CCDC178: variants seen among roughly 807,000 people sequenced by gnomAD.
CCDC178 encodes coiled-coil domain-containing protein 178.
Under a neutral mutation model 117.4 loss-of-function variants are expected in CCDC178, and 126 were observed. That is an observed-to-expected ratio of 1.07 (90% confidence interval 0.93 to 1.24). CCDC178 has a LOEUF of 1.24. Among genes scored for constraint, CCDC178 ranks in the 50% most tolerant of loss-of-function variants. The pLI is 0.00. For missense variants in CCDC178, 1,030 were observed against 986.9 expected, an observed-to-expected ratio of 1.04 and a Z score of -0.59; for synonymous variants, 283 against 313.4, an observed-to-expected ratio of 0.90 and a Z score of 1.02.
intron 11 of CCDC178, among the ~76,000 whole-genome samples, chr18:33,304,761 T>C (rs1410127588): frequency 6.6e-6 from 1 of 152,178 alleles, no homozygotes; most frequent in Non-Finnish European, 1.5e-5. Context: ...TTTATTATAA[T>C]GTCATTTTCA....
In CCDC178 at chr18:33,301,949, T is replaced by C. The variant is rs1171638401; in HGVS notation, c.1023-8637A>G. Among the ~76,000 whole-genome samples the C allele has an allele frequency of 1.3e-5, 2 of 152,176 alleles. 1 individual carries two copies. The highest frequency in any genetic ancestry group is 4.8e-5 in the African/African-American group (2 of 41,454). ...GAACCAAGGGTGGAATGATATAGTT[T>C]AAATGTTTGTCCCCTCCAAATCTCA... On this transcript the variant is annotated intron_variant, in intron 11 of 22. Coordinates refer to ENST00000383096, the MANE Select transcript of CCDC178 (RefSeq NM_001105528.4).
In CCDC178 at chr18:33,226,096, G is replaced by A. The variant is rs909293571; in HGVS notation, c.1656+697C>T. Among the ~76,000 whole-genome samples the A allele has an allele frequency of 3.3e-5, 5 of 152,206 alleles. No homozygotes were observed. In the East Asian group the frequency reaches 7.7e-4, roughly 23 times the overall value. ...GAATCACTTGAACCTGGGAGGCAGA[G>A]GTTATGGTGAGCCAAGATCGTGCCA... is the stretch of plus-strand genomic sequence containing the variant. On this transcript the variant is annotated intron_variant, in intron 16 of 22. Coordinates refer to ENST00000383096, the MANE Select transcript of CCDC178 (RefSeq NM_001105528.4).
intron 21 of CCDC178, among the ~76,000 whole-genome samples, chr18:33,056,413 T>C (rs1002982763): frequency 6.6e-6 from 1 of 152,236 alleles, no homozygotes; most frequent in African/African-American, 2.4e-5. Context: ...AGTTGGCAAA[T>C]TATCTGTATG....
intron 2 of CCDC178, among the ~76,000 whole-genome samples, chr18:33,431,016 A>G (rs2144968100): frequency 6.7e-6 from 1 of 149,770 alleles, no homozygotes; most frequent in South Asian, 2.1e-4. Context: ...CGGAGCTTGC[A>G]GTGAGCCGAG....
At chr18:33,011,814 C>T (rs1414207102) in intron 21 of CCDC178, among the ~76,000 whole-genome samples, 1 of 94,722 alleles carries the variant, frequency 1.1e-5, no homozygotes, top group African/African-American at 4.0e-5. Context: ...AAAAAGGACA[C>T]AGGAAGTGAT....
intron 5 of CCDC178, among the ~76,000 whole-genome samples, chr18:33,378,045 A>G (rs2063388103): frequency 6.6e-6 from 1 of 152,252 alleles, no homozygotes; most frequent in African/African-American, 2.4e-5. Context: ...CCATACGGCC[A>G]TTTAATCGGC....
chr18:33,220,941 A>G (rs1348020803), intron 18 of CCDC178, among the ~76,000 whole-genome samples: 1 of 152,088 alleles, frequency 6.6e-6, no homozygotes, highest in Non-Finnish European at 1.5e-5. Flanking sequence ...TCTCTTAAGT[A>G]TACTTGAATG....
At chr18:33,090,686 A>T (rs1394716217) in intron 21 of CCDC178, among the ~76,000 whole-genome samples, 1 of 152,182 alleles carries the variant, frequency 6.6e-6, no homozygotes, top group Non-Finnish European at 1.5e-5. Context: ...CATGACACTG[A>T]CAAGGGCAGC....
At chr18:32,973,216 A>G (rs1299773006) in intron 22 of CCDC178, among the ~76,000 whole-genome samples, 1 of 152,250 alleles carries the variant, frequency 6.6e-6, no homozygotes, top group East Asian at 1.9e-4. Flanking sequence ...TTAATATTTG[A>G]AAAGACATAA....
chr18:33,245,235 G>A lies in CCDC178; in HGVS notation c.1593+10C>T. 1 of 1,552,036 alleles carries A rather than the reference G, an allele frequency of 6.4e-7. No homozygotes were observed. Among genetic ancestry groups the A allele is most frequent in the Non-Finnish European group, 8.7e-7 (1 of 1,153,774 alleles). ...TCATCATGAGTAAGAGGAACACAAAGATACACAACCTTGAACTTTCTTCTC... is the reference window on the plus strand; with the variant it reads ...TCATCATGAGTAAGAGGAACACAAAAATACACAACCTTGAACTTTCTTCTC... On this transcript the variant is annotated intron_variant, in intron 15 of 22. Coordinates refer to ENST00000383096, the MANE Select transcript of CCDC178 (RefSeq NM_001105528.4).
At chr18:33,399,690 T>G (rs577877392) in intron 3 of CCDC178, among the ~76,000 whole-genome samples, 1 of 152,264 alleles carries the variant, frequency 6.6e-6, no homozygotes, top group East Asian at 1.9e-4. Flanking sequence ...GAATTCCAGT[T>G]CTCTTGCTCT....
intron 3 of CCDC178, among the ~76,000 whole-genome samples, chr18:33,403,489 C>CAAAA (rs34702028): frequency 3.5e-5 from 4 of 115,788 alleles, no homozygotes; most frequent in Admixed American, 9.0e-5. Flanking sequence ...GTATGACATC[C>CAAAA]AAAAAAAAAA....
intron 21 of CCDC178, among the ~76,000 whole-genome samples, chr18:32,981,169 C>T (rs1382658994): frequency 6.6e-6 from 1 of 151,986 alleles, no homozygotes; most frequent in Non-Finnish European, 1.5e-5. Flanking sequence ...CATAGTTAGA[C>T]TCTGTCTCTA....
intron 7 of CCDC178, among the ~76,000 whole-genome samples, chr18:33,354,879 G>A (rs904805537): frequency 6.6e-6 from 1 of 151,974 alleles, no homozygotes; most frequent in African/African-American, 2.4e-5. Flanking sequence ...CAAAGTGTTG[G>A]GATTACAGGC....
chr18:32,998,071 G>A (rs537323547), intron 21 of CCDC178, among the ~76,000 whole-genome samples: 11 of 152,278 alleles, frequency 7.2e-5, no homozygotes, highest in South Asian at 2.1e-4. Flanking sequence ...AAAAGGCACC[G>A]AAGATAGTTG....
At chr18:33,337,121 G>T (rs1038766700) in intron 9 of CCDC178, among the ~76,000 whole-genome samples, 3 of 144,748 alleles carry the variant, frequency 2.1e-5, no homozygotes, top group African/African-American at 8.0e-5. Flanking sequence ...CACATCCTTA[G>T]GTATATTCCT....
At chr18:33,201,840 G>T (rs2058992735) in intron 20 of CCDC178, among the ~76,000 whole-genome samples, 1 of 152,106 alleles carries the variant, frequency 6.6e-6, no homozygotes. Flanking sequence ...CTTAGAGCCC[G>T]GTGACAAAGG....
chr18:32,984,656 G>T (rs985190068), intron 21 of CCDC178, among the ~76,000 whole-genome samples: 2 of 151,640 alleles, frequency 1.3e-5, no homozygotes, highest in Non-Finnish European at 1.5e-5. Flanking sequence ...TAAAATTATT[G>T]TTCCTTGTGA....
intron 20 of CCDC178, among the ~76,000 whole-genome samples, chr18:33,125,545 T>C (rs543353628): frequency 8.1e-4 from 124 of 152,344 alleles, no homozygotes; most frequent in African/African-American, 2.8e-3. Flanking sequence ...TTTATGTTCT[T>C]AAAGAAAATG....
Sources: allele counts gnomAD v4.1 joint callset (sites outside exome capture counted in the v4.1 genomes callset), GRCh38; gene constraint gnomAD v4.1.1; transcripts MANE v1.5; gene names NCBI Gene and HGNC (gene_info 2026-07-23, HGNC 2026-07-21).